The following TNRC6A variants were observed in gnomAD, a reference collection of about 807,000 sequenced individuals.
TNRC6A encodes the protein trinucleotide repeat-containing gene 6A protein.
A neutral mutation model predicts 221.2 loss-of-function variants in TNRC6A; 44 were observed. The ratio of observed to expected loss-of-function variants is 0.20; its 90% CI spans 0.16 to 0.26. The LOEUF (loss-of-function observed/expected upper bound fraction) is 0.26. Among genes scored for constraint, TNRC6A ranks in the 10% least tolerant of loss-of-function variants. TNRC6A has a pLI of 1.00. For synonymous variants in TNRC6A, 847 were observed against 838.5 expected, an observed-to-expected ratio of 1.01 and a Z score of -0.18; for missense variants, 2,199 against 2,404.4, an observed-to-expected ratio of 0.91 and a Z score of 1.79.
Position 24,804,274 on chromosome 16 carries a change from G to C in TNRC6A, c.3792G>C (p.Gln1264His), listed in dbSNP as rs752400548. 2 of 1,613,540 alleles carry C rather than the reference G, an allele frequency of 1.2e-6. No individual in the cohort carries two copies. The highest frequency in any genetic ancestry group is 1.3e-5 in the African/African-American group (1 of 74,996). Residue 1264 changes from glutamine (Q) to histidine (H), a missense_variant, in exon 12 of 25, where the codon CAG (glutamine) becomes CAC (histidine). This residue lies in a region of TNRC6A where 158 missense variants were observed against 159.1 expected (regional missense o/e 0.99). Coordinates refer to ENST00000395799, the MANE Select transcript of TNRC6A (RefSeq NM_014494.4). Reference protein sequence around the residue: ...TVGKGPGSRPQISKESSMERN... With the variant: ...TVGKGPGSRPHISKESSMERN... Reference sequence around the variant, plus strand: ...GGAAAGGCCCTGGTTCTCGGCCTCAGATTTCCAAAGAGTCTTCCATGGAGC... The same window carrying C: ...GGAAAGGCCCTGGTTCTCGGCCTCACATTTCCAAAGAGTCTTCCATGGAGC...
intron 2 of TNRC6A, among the ~76,000 whole-genome samples, chr16:24,682,505 G>A (rs1436191243): frequency 2.0e-5 from 3 of 151,758 alleles, no homozygotes; most frequent in African/African-American, 7.3e-5. Context: ...TGGGATGACA[G>A]GCATGAGCTA....
Position 24,797,934 on chromosome 16 carries a change from A to G in TNRC6A, c.3662A>G (p.Asn1221Ser), listed in dbSNP as rs772838360. ...ISFSRDSPEE[N>S]VQSNKMDLSG... is the part of the protein sequence containing the mutation. ...CTTCAGAGAGACTCACCAGAGGAAA[A>G]TGTACAAAGCAATAAGATGGACCTT... The change falls in exon 11 of 25, where the codon AAT (asparagine) becomes AGT (serine). Residue 1221 changes from asparagine to serine, a missense_variant. This residue lies in a region of TNRC6A where 158 missense variants were observed against 159.1 expected (regional missense o/e 0.99). Transcript: ENST00000395799. 1.2e-6 allele frequency: 2 copies of G among 1,611,370 alleles called. No homozygotes were observed. Among genetic ancestry groups the G allele is most frequent in the South Asian group, 2.2e-5 (2 of 90,244 alleles).
rs939437883 is a variant in TNRC6A at position 24,806,140 on chromosome 16, G to A, written c.4252-66G>A. ...TGCCTCTGTAGGTCCATCTGCTGTCGTCATTTGGAAGCACACACTTTGTAA... is the reference window on the plus strand; with the variant it reads ...TGCCTCTGTAGGTCCATCTGCTGTCATCATTTGGAAGCACACACTTTGTAA... On this transcript the variant is annotated intron_variant, in intron 15 of 24. Transcript: ENST00000395799. The A allele has an allele frequency of 7.1e-5, 112 of 1,582,066 alleles. 1 individual carries two copies. Among genetic ancestry groups the A allele is most frequent in the Admixed American group, 3.6e-4 (21 of 58,488 alleles).
intron 2 of TNRC6A, among the ~76,000 whole-genome samples, chr16:24,689,239 T>C (rs1376486853): frequency 1.3e-5 from 2 of 152,150 alleles, no homozygotes; most frequent in Non-Finnish European, 2.9e-5. Context: ...AGCTGCAACA[T>C]AGACACAAAC....
intron 3 of TNRC6A, among the ~76,000 whole-genome samples, chr16:24,755,504 C>G (rs1324082755): frequency 1.3e-5 from 2 of 152,208 alleles, no homozygotes; most frequent in Non-Finnish European, 2.9e-5. Flanking sequence ...ATCCCTTTAA[C>G]CTTACAACTC....
chr16:24,801,898 G>A (rs772984557), intron 11 of TNRC6A, among the ~76,000 whole-genome samples: 5 of 152,206 alleles, frequency 3.3e-5, no homozygotes, highest in African/African-American at 4.8e-5. Context: ...TGAAGAGAGT[G>A]GGGGAAAGAG....
intron 3 of TNRC6A, among the ~76,000 whole-genome samples, chr16:24,757,258 G>C (rs1177740642): frequency 6.8e-6 from 1 of 147,316 alleles, no homozygotes; most frequent in East Asian, 2.0e-4. Context: ...CTGGCTTTCT[G>C]GGGAAAGATT....
chr16:24,636,001 T>C (rs1162639408), intron 1 of TNRC6A, among the ~76,000 whole-genome samples: 1 of 152,204 alleles, frequency 6.6e-6, no homozygotes, highest in African/African-American at 2.4e-5. Flanking sequence ...TTGGTACCCA[T>C]CCAAGTGCAT....
chr16:24,806,924 C>T (rs1412181887), intron 17 of TNRC6A, 140 bp downstream of exon 17: 1 of 777,224 alleles, frequency 1.3e-6, no homozygotes, highest in Non-Finnish European at 2.1e-6. Flanking sequence ...GAGTTGCCAT[C>T]CCCTCTCCTA....
intron 4 of TNRC6A, among the ~76,000 whole-genome samples, chr16:24,773,294 T>C (rs1327941922): frequency 6.6e-6 from 1 of 152,256 alleles, no homozygotes; most frequent in African/African-American, 2.4e-5. Context: ...TTGGTAACCC[T>C]GTAATTTAGT....
At chr16:24,652,738 A>G (rs1037876157) in intron 2 of TNRC6A, among the ~76,000 whole-genome samples, 1 of 152,166 alleles carries the variant, frequency 6.6e-6, no homozygotes, top group African/African-American at 2.4e-5. Context: ...GTGTTTTGGG[A>G]TCCTCAACGT....
At chr16:24,698,722 T>G (rs984599413) in intron 2 of TNRC6A, among the ~76,000 whole-genome samples, 1 of 152,088 alleles carries the variant, frequency 6.6e-6, no homozygotes, top group Admixed American at 6.6e-5. Flanking sequence ...TTTTTTTTGT[T>G]TGTTTTTTTG....
chr16:24,819,714 GCAGCTCCTGAGT>G, intron 21 of TNRC6A: 32 of 199,212 alleles, frequency 1.6e-4, no homozygotes, highest in South Asian at 3.6e-4. Context: ...ATCTCCTTTG[GCAGCTCCTGAGT>G]TGGGGCTCTT....
At chr16:24,780,555 A>C (rs560987811) in intron 5 of TNRC6A, among the ~76,000 whole-genome samples, 2 of 152,208 alleles carry the variant, frequency 1.3e-5, no homozygotes, top group African/African-American at 4.8e-5. Flanking sequence ...CATATAGAAC[A>C]CTATGTATTG....
At chr16:24,771,603 T>C (rs910961636) in intron 4 of TNRC6A, among the ~76,000 whole-genome samples, 31 of 135,894 alleles carry the variant, frequency 2.3e-4, no homozygotes, top group Non-Finnish European at 2.1e-4. Flanking sequence ...TGTTATGTTA[T>C]GTTATGTTAT....
chr16:24,825,268 A>T lies in TNRC6A; in HGVS notation c.*1461A>T, dbSNP rs576394480. The T allele has an allele frequency of 6.5e-6, 1 of 152,772 alleles. No individual in the cohort carries two copies. The highest frequency in any genetic ancestry group is 2.4e-5 in the African/African-American group (1 of 41,578). 9.5% of individuals were successfully genotyped at this position (152,772 alleles called of 1,614,324 possible). A position where few individuals can be genotyped will look rare whatever the true frequency, so the allele number is the denominator to read the frequency against. ...AGAAGAGAGACTAAACAAGGGTAAA[A>T]ATTTTAACAGTACAGAATTTGCCAT... On this transcript the variant is annotated 3_prime_UTR_variant, in exon 25 of 25. Transcript: ENST00000395799.
At chr16:24,746,262 A>C (rs1196272785) in intron 2 of TNRC6A, among the ~76,000 whole-genome samples, 1 of 152,152 alleles carries the variant, frequency 6.6e-6, no homozygotes, top group African/African-American at 2.4e-5. Context: ...TTTCCTATAA[A>C]AAAAATCATG....
intron 1 of TNRC6A, among the ~76,000 whole-genome samples, chr16:24,612,183 G>A (rs1900085908): frequency 6.6e-6 from 1 of 152,182 alleles, no homozygotes; most frequent in African/African-American, 2.4e-5. Context: ...GATGGTGGCT[G>A]TGTCAAAAGC....
At chr16:24,788,338 C>G (rs1051422636) in intron 5 of TNRC6A, among the ~76,000 whole-genome samples, 1 of 152,120 alleles carries the variant, frequency 6.6e-6, no homozygotes, top group Non-Finnish European at 1.5e-5. Context: ...GGAAGTTGAA[C>G]TGAAAATACT....
Sources: gnomAD v4.1 joint callset for allele counts (sites outside exome capture counted in the v4.1 genomes callset) on GRCh38, gnomAD v4.1.1 for gene constraint, gnomAD v4.1.1 regional missense constraint, MANE v1.5 for transcripts, NCBI Gene and HGNC (gene_info 2026-07-23, HGNC 2026-07-21) for gene names.